Variants in LARGE1 observed in about 807,000 individuals in gnomAD.
The protein encoded by LARGE1 is LARGE xylosyl- and glucuronyltransferase 1.
LARGE1 carries 43 observed loss-of-function variants against 87.6 expected under a neutral mutation model. The ratio of observed to expected loss-of-function variants is 0.49; its 90% confidence interval spans 0.38 to 0.63. The LOEUF is 0.63. Among genes scored for constraint, LARGE1 ranks in the 30% least tolerant of loss-of-function variants. The probability of loss-of-function intolerance (pLI) is 0.00; values close to 1 mark genes in which losing one functional copy is unlikely to be tolerated. For missense variants in LARGE1, 802 were observed against 1,000.2 expected, an observed-to-expected ratio of 0.80 and a Z score of 2.67; for synonymous variants, 434 against 394.6, an observed-to-expected ratio of 1.10 and a Z score of -1.18.
intron 5 of LARGE1, among the ~76,000 whole-genome samples, chr22:33,580,670 C>A (rs1048762940): frequency 2.0e-5 from 3 of 152,172 alleles, no homozygotes; most frequent in African/African-American, 7.2e-5. Context: ...GGGCAACACA[C>A]ACACTCTGGG....
At chr22:33,830,382 C>A (rs1047963764) in intron 1 of LARGE1, among the ~76,000 whole-genome samples, 2 of 152,128 alleles carry the variant, frequency 1.3e-5, no homozygotes, top group Admixed American at 6.5e-5. Flanking sequence ...TCCTTCCTTC[C>A]AGCTCACAGG....
At chr22:33,647,826 C>T (rs8139284) in intron 3 of LARGE1, among the ~76,000 whole-genome samples, 1 of 151,988 alleles carries the variant, frequency 6.6e-6, no homozygotes, top group Non-Finnish European at 1.5e-5. Flanking sequence ...GGCACCATCT[C>T]GGCTCACTGC....
intron 6 of LARGE1, among the ~76,000 whole-genome samples, chr22:33,555,073 T>A (rs1482224718): frequency 6.6e-6 from 1 of 152,098 alleles, no homozygotes; most frequent in Non-Finnish European, 1.5e-5. Flanking sequence ...TATACACAGA[T>A]TTTTTTTGTC....
At chr22:33,887,347 A>G (rs1018235257) in intron 1 of LARGE1, among the ~76,000 whole-genome samples, 1 of 152,196 alleles carries the variant, frequency 6.6e-6, no homozygotes, top group African/African-American at 2.4e-5. Context: ...TGAGAAGGCC[A>G]AGAGACAGCA....
intron 11 of LARGE1, among the ~76,000 whole-genome samples, chr22:33,219,198 T>A (rs1369550125): frequency 6.6e-6 from 1 of 152,086 alleles, no homozygotes; most frequent in Non-Finnish European, 1.5e-5. Flanking sequence ...TACCAAGGGG[T>A]GGAACTAGGC....
chr22:33,070,805 T>C, the LARGE1 span, among the ~76,000 whole-genome samples: 2 of 152,244 alleles, frequency 1.3e-5, no homozygotes, highest in African/African-American at 4.8e-5. Context: ...GGAGAAGTTA[T>C]AGGACTTGGG....
chr22:33,537,908 A>C (rs1256811374), intron 6 of LARGE1, among the ~76,000 whole-genome samples: 1 of 152,190 alleles, frequency 6.6e-6, no homozygotes, highest in African/African-American at 2.4e-5. Context: ...TAGTGCATGG[A>C]TTAGGCTGAG....
At chr22:33,312,736 T>C (rs563124701) in intron 11 of LARGE1, among the ~76,000 whole-genome samples, 15 of 152,278 alleles carry the variant, frequency 9.9e-5, no homozygotes, top group African/African-American at 3.6e-4. Context: ...TTGCATGGAT[T>C]ATAGTACCTG....
intron 1 of LARGE1, among the ~76,000 whole-genome samples, chr22:33,809,853 T>C (rs931117760): frequency 6.6e-6 from 1 of 151,794 alleles, no homozygotes; most frequent in African/African-American, 2.4e-5. Flanking sequence ...TGAAGTGAAA[T>C]AGTACCTCCA....
At chr22:33,415,353 C>G (rs975026616) in intron 7 of LARGE1, among the ~76,000 whole-genome samples, 2 of 152,168 alleles carry the variant, frequency 1.3e-5, no homozygotes, top group African/African-American at 4.8e-5. Flanking sequence ...AAAAATAGCT[C>G]AGGAGAAAAA....
At chr22:33,894,758 G>A (rs1388136788) in intron 1 of LARGE1, among the ~76,000 whole-genome samples, 6 of 152,082 alleles carry the variant, frequency 3.9e-5, no homozygotes, top group Non-Finnish European at 8.8e-5. Context: ...TTTGGTCTCA[G>A]TGTGCTCCTC....
chr22:33,209,744 C>G (rs1377104540), intron 11 of LARGE1, among the ~76,000 whole-genome samples: 1 of 152,168 alleles, frequency 6.6e-6, no homozygotes, highest in African/African-American at 2.4e-5. Flanking sequence ...CTCCTGGGCT[C>G]AAGTGATCCT....
At chr22:33,758,198 G>A (rs191141720) in intron 2 of LARGE1, among the ~76,000 whole-genome samples, 1 of 152,270 alleles carries the variant, frequency 6.6e-6, no homozygotes, top group East Asian at 1.9e-4. Context: ...ACAGCCCTTT[G>A]TCTGTTTGCT....
At chr22:33,231,918 T>C (rs1926024018) in intron 11 of LARGE1, among the ~76,000 whole-genome samples, 1 of 152,232 alleles carries the variant, frequency 6.6e-6, no homozygotes, top group African/African-American at 2.4e-5. Context: ...AGAAACCATT[T>C]ATGATGCATA....
chr22:33,354,141 C>CCTT (rs1569086799), intron 9 of LARGE1, among the ~76,000 whole-genome samples: 2 of 152,120 alleles, frequency 1.3e-5, no homozygotes, highest in African/African-American at 4.8e-5. Flanking sequence ...TAAATCTGAC[C>CCTT]CTTCGGTGGA....
At chr22:33,396,540 C>T (rs930348624) in intron 7 of LARGE1, among the ~76,000 whole-genome samples, 1 of 147,260 alleles carries the variant, frequency 6.8e-6, no homozygotes, top group Non-Finnish European at 1.5e-5. Context: ...GGAAATCCTT[C>T]CATCTCAAAC....
At chr22:33,871,361 C>G (rs2064275154) in intron 1 of LARGE1, among the ~76,000 whole-genome samples, 1 of 152,054 alleles carries the variant, frequency 6.6e-6, no homozygotes, top group Non-Finnish European at 1.5e-5. Context: ...ATTTAATGAG[C>G]ACATATTGTG....
intron 6 of LARGE1, among the ~76,000 whole-genome samples, chr22:33,500,921 C>T (rs62225319): frequency 1.6e-3 from 241 of 152,260 alleles, no homozygotes; most frequent in Non-Finnish European, 2.7e-3. Flanking sequence ...ATCATTCACT[C>T]CCAGCATAGG....
At chr22:33,390,493 T>C (rs1490474261) in intron 7 of LARGE1, among the ~76,000 whole-genome samples, 1 of 152,118 alleles carries the variant, frequency 6.6e-6, no homozygotes, top group Admixed American at 6.6e-5. Flanking sequence ...GCAGAACCCA[T>C]GGGTGGCTCT....
Sources: allele counts gnomAD v4.1 joint callset (sites outside exome capture counted in the v4.1 genomes callset), GRCh38; gene constraint gnomAD v4.1.1; transcripts MANE v1.5; gene names NCBI Gene and HGNC (gene_info 2026-07-23, HGNC 2026-07-21).